LRMDA: variants seen among roughly 807,000 people sequenced by gnomAD.
The protein encoded by LRMDA is leucine rich melanocyte differentiation associated.
LRMDA carries 18 observed loss-of-function variants against 29.8 expected under a neutral mutation model. The observed-to-expected ratio is 0.60, with a 90% CI of 0.42 to 0.90. LRMDA has a LOEUF of 0.90. Among genes scored for constraint, LRMDA ranks in the 40% least tolerant of loss-of-function variants. The pLI is 0.00. For synonymous variants in LRMDA, 125 were observed against 109.4 expected, an observed-to-expected ratio of 1.14 and a Z score of -0.89; for missense variants, 273 against 273.9, an observed-to-expected ratio of 1.00 and a Z score of 0.02.
At chr10:75,622,958 A>G (rs1841206140) in intron 2 of LRMDA, among the ~76,000 whole-genome samples, 1 of 152,192 alleles carries the variant, frequency 6.6e-6, no homozygotes, top group African/African-American at 2.4e-5. Context: ...AAGGTAAACT[A>G]TTTTGTTATA....
rs535972585 is a variant in LRMDA, at chr10:76,416,007, C to T, written c.601+91522C>T. On this transcript the variant is annotated intron_variant, in intron 6 of 6. Coordinates refer to ENST00000611255, the MANE Select transcript of LRMDA (RefSeq NM_001305581.2). ...AAGGTCTGAGAGGGCTTTGTGAAGC[C>T]GCTATTCACTGCATCATGTTGTGGG... is the stretch of plus-strand genomic sequence containing the variant. Among the ~76,000 whole-genome samples the T allele has an allele frequency of 3.4e-4, 51 of 152,234 alleles. No individual in the cohort carries two copies. The South Asian group carries it at 6.2e-3, about 19-fold the overall frequency.
At position 75,666,435 on chromosome 10, in the gene LRMDA, T is replaced by C. The variant is rs566607256; in HGVS notation, c.131+227941T>C. Reference sequence around the variant, plus strand: ...ATACAGTATATAAACTATATTACCTTTCTAAGATCTGAAAAAATATCTGAA... The same window carrying C: ...ATACAGTATATAAACTATATTACCTCTCTAAGATCTGAAAAAATATCTGAA... On this transcript the variant is annotated intron_variant, in intron 2 of 6. Coordinates refer to ENST00000611255, the MANE Select transcript of LRMDA (RefSeq NM_001305581.2). Among the ~76,000 whole-genome samples, 434 of 152,184 alleles carry C rather than the reference T, an allele frequency of 2.9e-3. 2 individuals carry two copies. The highest frequency in any genetic ancestry group is 0.01 in the African/African-American group (417 of 41,540).
intron 5 of LRMDA, among the ~76,000 whole-genome samples, chr10:76,179,728 G>A (rs890845019): frequency 2.0e-5 from 3 of 152,172 alleles, no homozygotes; most frequent in African/African-American, 7.2e-5. Context: ...TGAGGAAGAT[G>A]TTGATCTGCC....
chr10:75,719,216 A>G (rs1842537211), intron 2 of LRMDA, among the ~76,000 whole-genome samples: 1 of 152,232 alleles, frequency 6.6e-6, no homozygotes, highest in Admixed American at 6.5e-5. Context: ...TTTAAGAAGG[A>G]TGCAGATTTG....
At chr10:75,738,272 C>A (rs1222804202) in intron 2 of LRMDA, among the ~76,000 whole-genome samples, 1 of 151,998 alleles carries the variant, frequency 6.6e-6, no homozygotes. Flanking sequence ...CTGGTGCTGG[C>A]CCCAAATCAG....
chr10:75,926,124 C>T (rs767419165), intron 2 of LRMDA, among the ~76,000 whole-genome samples: 1 of 152,154 alleles, frequency 6.6e-6, no homozygotes, highest in Non-Finnish European at 1.5e-5. Context: ...GTGGGGAACC[C>T]TGAAATGCCA....
At position 75,474,012 on chromosome 10, in the gene LRMDA, C is replaced by T. The variant is rs138403149; in HGVS notation, c.131+35518C>T. On this transcript the variant is annotated intron_variant, in intron 2 of 6. Transcript: ENST00000611255. ...AACAACTTCCCAGGTGATGCTGATA[C>T]GCCTGGTTTGTGGACCACGTGAGAC... 1.6e-4 allele frequency among the ~76,000 whole-genome samples: 24 copies of T among 152,310 alleles called. No homozygotes were observed. The East Asian group carries it at 3.3e-3, about 21-fold the overall frequency.
chr10:76,302,583 G>A (rs1169044768), intron 5 of LRMDA, among the ~76,000 whole-genome samples: 1 of 152,026 alleles, frequency 6.6e-6, no homozygotes, highest in Non-Finnish European at 1.5e-5. Flanking sequence ...TTGCTGGAGT[G>A]GATACTCTTG....
intron 2 of LRMDA, among the ~76,000 whole-genome samples, chr10:75,677,195 C>A (rs897196209): frequency 6.6e-6 from 1 of 152,052 alleles, no homozygotes; most frequent in African/African-American, 2.4e-5. Flanking sequence ...TTCTTTCCTC[C>A]CCAAACTGTG....
chr10:75,980,197 T>G (rs1847141796), intron 2 of LRMDA, among the ~76,000 whole-genome samples: 1 of 152,196 alleles, frequency 6.6e-6, no homozygotes, highest in South Asian at 2.1e-4. Context: ...GGGTCTGTCC[T>G]AGAATGTCTC....
intron 5 of LRMDA, among the ~76,000 whole-genome samples, chr10:76,114,970 G>C (rs1051499469): frequency 2.0e-5 from 3 of 152,148 alleles, no homozygotes; most frequent in Non-Finnish European, 4.4e-5. Context: ...CGGTATTTTT[G>C]GAGGGTCCTT....
At chr10:76,400,804 T>G (rs1053303749) in intron 6 of LRMDA, among the ~76,000 whole-genome samples, 3 of 152,236 alleles carry the variant, frequency 2.0e-5, no homozygotes, top group African/African-American at 7.2e-5. Flanking sequence ...AGGTTCCTAT[T>G]CATTTTCTAC....
intron 6 of LRMDA, among the ~76,000 whole-genome samples, chr10:76,409,949 A>C (rs1257398006): frequency 6.6e-6 from 1 of 152,182 alleles, no homozygotes; most frequent in East Asian, 1.9e-4. Flanking sequence ...CATTTGAAGG[A>C]ATGTAGAATC....
At chr10:76,243,816 C>T (rs142930820) in intron 5 of LRMDA, among the ~76,000 whole-genome samples, 2 of 152,100 alleles carry the variant, frequency 1.3e-5, no homozygotes, top group Non-Finnish European at 2.9e-5. Context: ...GGTAGCCCCC[C>T]CAAAATATAT....
At chr10:76,265,911 G>T (rs1840001507) in intron 5 of LRMDA, among the ~76,000 whole-genome samples, 1 of 152,178 alleles carries the variant, frequency 6.6e-6, no homozygotes, top group Admixed American at 6.5e-5. Context: ...TCCCTTCCTG[G>T]TATTAGACTA....
At chr10:75,915,601 T>C (rs750215247) in intron 2 of LRMDA, among the ~76,000 whole-genome samples, 3 of 152,196 alleles carry the variant, frequency 2.0e-5, no homozygotes, top group Non-Finnish European at 4.4e-5. Flanking sequence ...GTTAAGTGAC[T>C]TATCCAGATC....
intron 2 of LRMDA, among the ~76,000 whole-genome samples, chr10:75,938,260 G>C (rs1329155351): frequency 6.6e-6 from 1 of 152,204 alleles, no homozygotes; most frequent in Admixed American, 6.5e-5. Context: ...TTTAGTAACA[G>C]GAGCTTGATT....
intron 2 of LRMDA, among the ~76,000 whole-genome samples, chr10:75,483,656 G>A (rs778676775): frequency 6.6e-6 from 1 of 152,098 alleles, no homozygotes; most frequent in Non-Finnish European, 1.5e-5. Flanking sequence ...TGGAATGAAT[G>A]AAAATCAAAT....
At chr10:75,681,046 A>T (rs951780909) in intron 2 of LRMDA, among the ~76,000 whole-genome samples, 1 of 152,202 alleles carries the variant, frequency 6.6e-6, no homozygotes, top group Non-Finnish European at 1.5e-5. Flanking sequence ...TAGATTTATC[A>T]TAGGCGGTGC....
Sources: gnomAD v4.1 joint callset for allele counts (sites outside exome capture counted in the v4.1 genomes callset) on GRCh38, gnomAD v4.1.1 for gene constraint, MANE v1.5 for transcripts, NCBI Gene and HGNC (gene_info 2026-07-23, HGNC 2026-07-21) for gene names.